ATP13A2: variants seen among roughly 807,000 people sequenced by gnomAD.
ATP13A2 encodes ATPase cation transporting 13A2, also known as polyamine-transporting ATPase 13A2.
In ATP13A2, 83 loss-of-function variants were observed where a neutral mutation model predicts 138.3. That is an observed-to-expected ratio of 0.60 (90% CI 0.50 to 0.72). ATP13A2 has a LOEUF of 0.72. Among genes scored for constraint, ATP13A2 ranks in the 30% least tolerant of loss-of-function variants. The pLI is 0.00. For synonymous variants in ATP13A2, 663 were observed against 699.0 expected (o/e 0.95, Z 0.81); for missense variants, 1,402 against 1,606.4 (o/e 0.87, Z 2.17).
rs527533909 is a variant in ATP13A2, at chr1:16,992,627, C to G, written c.1750-46G>C. 56 of 1,597,842 alleles carry G rather than the reference C, an allele frequency of 3.5e-5. No homozygotes were observed. The South Asian group carries it at 6.0e-4, about 17-fold the overall frequency. Reference sequence around the variant, plus strand: ...TTTGGTGTCTGGGGGCTTTGGCTCACAGAGAGATTTGAGCTAGACTCAGGG... The same window carrying G: ...TTTGGTGTCTGGGGGCTTTGGCTCAGAGAGAGATTTGAGCTAGACTCAGGG... On this transcript the variant is annotated intron_variant, in intron 16 of 28. Transcript: ENST00000326735.
chr1:17,005,115 C>G lies in ATP13A2; in HGVS notation c.289-43G>C, dbSNP rs763992598. The G allele has an allele frequency of 2.5e-6, 4 of 1,611,458 alleles. No individual in the cohort carries two copies. In the Admixed American group the frequency reaches 6.7e-5, roughly 27 times the overall value. On this transcript the variant is annotated intron_variant, in intron 3 of 28. Coordinates refer to ENST00000326735, the MANE Select transcript of ATP13A2 (RefSeq NM_022089.4). ...GGACTCAGTCTCAGAAGAGTCCCCT[C>G]CCCTCCCAGGCCCTGTCCTACAGCC... is the stretch of plus-strand genomic sequence containing the variant.
rs771581490 is a variant in ATP13A2 at position 16,987,044 on chromosome 1, A to G, written c.3083+2T>C. On this transcript the variant is annotated splice_donor_variant, in intron 26 of 28. Transcript: ENST00000326735. LOFTEE classifies it high-confidence loss of function. ...GGGGTGGTCAGTCAGCTCCCTACTC[A>G]CCATGGCTGGGCCAGGGTCAGGAAG... 2 of 1,613,340 alleles carry G rather than the reference A, an allele frequency of 1.2e-6. No homozygotes were observed.
At chr1:17,006,499 C>T (rs1470897350) in intron 1 of ATP13A2, among the ~76,000 whole-genome samples, 4 of 152,138 alleles carry the variant, frequency 2.6e-5, no homozygotes, top group African/African-American at 4.8e-5. Context: ...GATCTGCCCA[C>T]TTTGGCCTCC....
chr1:17,000,612 A>T, intron 8 of ATP13A2, 78 bp from the exon 9 acceptor site: 1 of 1,552,850 alleles, frequency 6.4e-7, no homozygotes. Context: ...TCCTGTGCCC[A>T]TGGGAGCAGA....
Position 16,993,641 on chromosome 1 carries a change from C to T in ATP13A2, c.1737G>A (p.Glu579=). 4 of 1,587,876 alleles carry T rather than the reference C, an allele frequency of 2.5e-6. No individual in the cohort carries two copies. The South Asian group carries it at 4.6e-5, about 18-fold the overall frequency. The change falls in exon 16 of 29, where the codon GAG becomes GAA. Residue 579 remains glutamate (E), a synonymous_variant. Coordinates refer to ENST00000326735, the MANE Select transcript of ATP13A2 (RefSeq NM_022089.4). ...TTGGCCTCCTCACCCAGCCAGTAGA[C>T]TCCACCATCTTCAAGTCCATGGGGT... ...VGDPMDLKMV[E]STGWVLEEEP... is the part of the protein sequence containing the mutation.
rs925808360 is a variant in ATP13A2 at position 16,986,405 on chromosome 1, G to A, written c.3406-47C>T. On this transcript the variant is annotated intron_variant, in intron 28 of 28. Coordinates refer to ENST00000326735, the MANE Select transcript of ATP13A2 (RefSeq NM_022089.4). This position sits in a 1 kb window ranked among gnomAD's most constrained non-coding sequence, Gnocchi z 6.9. ...TCAGGGGCAGCCGGGGCTGAGCTGGGGTCAATGCACCCCCACCTCCCTTCT... is the reference window on the plus strand; with the variant it reads ...TCAGGGGCAGCCGGGGCTGAGCTGGAGTCAATGCACCCCCACCTCCCTTCT... 1.9e-6 allele frequency: 3 copies of A among 1,601,064 alleles called. No individual in the cohort carries two copies. The highest frequency in any genetic ancestry group is 2.7e-5 in the African/African-American group (2 of 74,664).
At chr1:17,003,950 C>A (rs2101084006) in intron 6 of ATP13A2, among the ~76,000 whole-genome samples, 1 of 152,268 alleles carries the variant, frequency 6.6e-6, no homozygotes, top group South Asian at 2.1e-4. Context: ...GGGTGAGCCA[C>A]CGCACCCAGC....
chr1:17,007,225 T>C (rs890388263), intron 1 of ATP13A2, among the ~76,000 whole-genome samples: 4 of 152,130 alleles, frequency 2.6e-5, no homozygotes, highest in Non-Finnish European at 5.9e-5. Context: ...GCTGTGGCCT[T>C]AGCAGGGCAG....
chr1:17,001,155 T>C (rs2077339617), intron 8 of ATP13A2, among the ~76,000 whole-genome samples: 1 of 151,266 alleles, frequency 6.6e-6, no homozygotes, highest in Non-Finnish European at 1.5e-5. Context: ...CGGTGGCTCA[T>C]GCCTATAATC....
chr1:17,004,665 A>T lies in ATP13A2; in HGVS notation c.477+27T>A. ...CAGATCATGAAACCGAGGCCGAGAG[A>T]GGGGCAAGGACTTTTTCAGAACCCA... On this transcript the variant is annotated intron_variant, in intron 5 of 28. Coordinates refer to ENST00000326735, the MANE Select transcript of ATP13A2 (RefSeq NM_022089.4). This position sits in a 1 kb window ranked among gnomAD's most constrained non-coding sequence, Gnocchi z 4.1. 1 of 1,613,840 alleles carries T rather than the reference A, an allele frequency of 6.2e-7. No individual in the cohort carries two copies. The highest frequency in any genetic ancestry group is 8.5e-7 in the Non-Finnish European group (1 of 1,179,998).
chr1:16,992,500 G>T lies in ATP13A2; in HGVS notation c.1831C>A (p.Gln611Lys), dbSNP rs770682887. ...CCTCAGCTCACCATTGCCTGCAGCT[G>T]GGGCTCCCAAAGTGGGGGTCTCATC... ...AVMRPPLWEP[Q>K]LQAMEEPPVP... Residue 611 changes from glutamine to lysine, a missense_variant, in exon 17 of 29, where the codon CAG becomes AAG. Physicochemically the swap from Gln to Lys is moderately conservative, Grantham distance 53. Coordinates refer to ENST00000326735, the MANE Select transcript of ATP13A2 (RefSeq NM_022089.4). The T allele has an allele frequency of 1.6e-5, 26 of 1,614,044 alleles. No homozygotes were observed. Among genetic ancestry groups the T allele is most frequent in the Non-Finnish European group, 2.1e-5 (25 of 1,180,032 alleles).
rs1444624065 is a variant in ATP13A2 at position 17,007,653 on chromosome 1, A to G, written c.11-1875T>C. 1.1e-3 allele frequency among the ~76,000 whole-genome samples: 154 copies of G among 145,874 alleles called. 1 individual carries two copies. The highest frequency in any genetic ancestry group is 3.6e-3 in the African/African-American group (141 of 39,226). On this transcript the variant is annotated intron_variant, in intron 1 of 28. Transcript: ENST00000326735. ...TGCAAGCTCTGCCTTCCGGGTTCAC[A>G]CCATTCTCCTGCCTCAGCCTCCCAA...
intron 11 of ATP13A2, among the ~76,000 whole-genome samples, chr1:16,999,728 T>C (rs968287463): frequency 1.3e-5 from 2 of 152,010 alleles, no homozygotes; most frequent in Non-Finnish European, 2.9e-5. Context: ...ATAGTGAAAC[T>C]CCATCTCTAC....
chr1:16,993,302 C>T (rs931392969), intron 16 of ATP13A2, among the ~76,000 whole-genome samples: 6 of 152,086 alleles, frequency 3.9e-5, no homozygotes, highest in Non-Finnish European at 7.4e-5. Flanking sequence ...TGTAGCCTCG[C>T]CCTCCCGGGC....
chr1:17,000,194 G>GGGCGCC, intron 10 of ATP13A2, 52 bp from the exon 11 acceptor site: 2 of 1,570,246 alleles, frequency 1.3e-6, no homozygotes, highest in Non-Finnish European at 1.7e-6. Context: ...CCCCAGCCAT[G>GGGCGCC]CCCCCCCACC....
At position 17,005,448 on chromosome 1, in the gene ATP13A2, C is replaced by A; in HGVS notation, c.214G>T (p.Gly72Trp). The A allele has an allele frequency of 6.2e-7, 1 of 1,614,164 alleles. No individual in the cohort carries two copies. The highest frequency in any genetic ancestry group is 8.5e-7 in the Non-Finnish European group (1 of 1,180,026). Reference protein sequence around the residue: ...LLLFRWKPLWGVRLRLRPCNL... With the variant: ...LLLFRWKPLWWVRLRLRPCNL... Reference sequence around the variant, plus strand: ...CAGGGCCGGAGCCGCAGCCGCACCCCCCACAGGGGCTTCCAACGGAAGAGC... The same window carrying A: ...CAGGGCCGGAGCCGCAGCCGCACCCACCACAGGGGCTTCCAACGGAAGAGC... The change falls in exon 3 of 29, where the codon GGG becomes TGG. Residue 72 changes from glycine to tryptophan, a missense_variant. Transcript: ENST00000326735.
At chr1:16,993,904 C>A in intron 15 of ATP13A2, 69 bp from the exon 16 acceptor site, 1 of 1,360,032 alleles carries the variant, frequency 7.4e-7, no homozygotes, top group Non-Finnish European at 9.9e-7. Flanking sequence ...GCTGGGCCTC[C>A]AAACCCCAGG....
Position 17,004,784 on chromosome 1 carries a change from G to C in ATP13A2, c.385C>G (p.Arg129Gly). The C allele has an allele frequency of 6.2e-7, 1 of 1,613,960 alleles. No homozygotes were observed. Among genetic ancestry groups the C allele is most frequent in the Non-Finnish European group, 8.5e-7 (1 of 1,180,028 alleles). The change falls in exon 5 of 29, where the codon CGG becomes GGG. Residue 129 changes from arginine (R) to glycine (G), a missense_variant. Coordinates refer to ENST00000326735, the MANE Select transcript of ATP13A2 (RefSeq NM_022089.4). This position sits in a 1 kb window ranked among gnomAD's most constrained non-coding sequence, Gnocchi z 4.1. ...PSPQSQAEDG[R>G]SQAAVGAVPE... ...ACCGCCCCAACTGCCGCCTGGCTCC[G>C]GCCATCCTCTGCCTGGGACTGTGGG... is the stretch of plus-strand genomic sequence containing the variant.
chr1:16,992,632 A>G, intron 16 of ATP13A2, 51 bp from the exon 17 acceptor site: 1 of 1,588,454 alleles, frequency 6.3e-7, no homozygotes, highest in South Asian at 1.1e-5. Flanking sequence ...GCTCACAGAG[A>G]GATTTGAGCT....
Sources: gnomAD v4.1 joint callset for allele counts (sites outside exome capture counted in the v4.1 genomes callset) on GRCh38, gnomAD v4.1.1 for gene constraint, Gnocchi (gnomAD v3.1) non-coding constraint, MANE v1.5 for transcripts, NCBI Gene and HGNC (gene_info 2026-07-23, HGNC 2026-07-21) for gene names.